Variants in DDX1 observed in about 807,000 individuals in gnomAD.
DDX1 encodes DEAD-box helicase 1.
DDX1 carries 28 observed loss-of-function variants against 108.7 expected under a neutral mutation model. The ratio of observed to expected loss-of-function variants is 0.26; its 90% CI spans 0.19 to 0.35. The LOEUF is 0.35. Among genes scored for constraint, DDX1 ranks in the 10% least tolerant of loss-of-function variants. DDX1 has a pLI of 1.00. For synonymous variants in DDX1, 295 were observed against 288.9 expected (o/e 1.02, Z -0.21); for missense variants, 710 against 884.5 (o/e 0.80, Z 2.50).
intron 19 of DDX1, among the ~76,000 whole-genome samples, chr2:15,626,625 G>A (rs1436356792): frequency 6.6e-6 from 1 of 152,114 alleles, no homozygotes; most frequent in Non-Finnish European, 1.5e-5. Context: ...AAAATACCTT[G>A]AGAAGAGAGC....
chr2:15,618,022 TC>T (rs1359259253), intron 15 of DDX1, among the ~76,000 whole-genome samples, 158 bp from the exon 16 acceptor site: 2 of 152,238 alleles, frequency 1.3e-5, no homozygotes, highest in Admixed American at 1.3e-4. Context: ...ATTATCTTTA[TC>T]CAACAAAATA....
chr2:15,618,484 G>A (rs1665936545), intron 16 of DDX1, among the ~76,000 whole-genome samples: 1 of 152,212 alleles, frequency 6.6e-6, no homozygotes, highest in Admixed American at 6.5e-5. Context: ...GGTGAGCCAG[G>A]CGCGGAGTGG....
rs1665737659 is a variant in DDX1 at position 15,610,773 on chromosome 2, A to C, written c.957-2451A>C. On this transcript the variant is annotated intron_variant, in intron 13 of 25. Transcript: ENST00000233084. ...ATAATTTTTTCCATGTTACAAGCTC[A>C]CGCATTCTCTTTCGTGACTTTACCG... Among the ~76,000 whole-genome samples, 3 of 152,362 alleles carry C rather than the reference A, an allele frequency of 2.0e-5. No homozygotes were observed. The South Asian group carries it at 6.2e-4, about 32-fold the overall frequency.
chr2:15,598,011 G>A (rs1056324613), intron 5 of DDX1, among the ~76,000 whole-genome samples: 2 of 152,030 alleles, frequency 1.3e-5, no homozygotes, highest in African/African-American at 2.4e-5. Flanking sequence ...TGTCTCTACC[G>A]TAATCAATCT....
intron 13 of DDX1, among the ~76,000 whole-genome samples, chr2:15,611,601 C>T (rs1313492633): frequency 8.1e-6 from 1 of 123,366 alleles, no homozygotes; most frequent in Non-Finnish European, 1.6e-5. Context: ...GGCGGCTGGC[C>T]GGGCAGAGGG....
At chr2:15,614,645 G>C (rs1023111163) in intron 14 of DDX1, among the ~76,000 whole-genome samples, 2 of 152,132 alleles carry the variant, frequency 1.3e-5, no homozygotes, top group Non-Finnish European at 2.9e-5. Context: ...TCTCTTTGTT[G>C]CTCCTTTCTG....
intron 6 of DDX1, among the ~76,000 whole-genome samples, chr2:15,600,181 T>C (rs1665568448): frequency 6.6e-6 from 1 of 152,246 alleles, no homozygotes; most frequent in Non-Finnish European, 1.5e-5. Context: ...TATTTATAGG[T>C]GGAGTTGGAC....
At chr2:15,629,911 C>G in intron 24 of DDX1, 79 bp from the exon 25 acceptor site, 1 of 1,389,596 alleles carries the variant, frequency 7.2e-7, no homozygotes, top group South Asian at 1.4e-5. Flanking sequence ...TCTGGCCTTT[C>G]CAGCTTTATT....
At chr2:15,624,365 T>A (rs1405918905) in intron 19 of DDX1, among the ~76,000 whole-genome samples, 1 of 152,190 alleles carries the variant, frequency 6.6e-6, no homozygotes, top group Non-Finnish European at 1.5e-5. Context: ...ACTTCGAGAA[T>A]GTAAACTGTA....
intron 2 of DDX1, 33 bp from the exon 3 acceptor site, chr2:15,595,457 G>T (rs1279845411): frequency 4.5e-6 from 7 of 1,569,228 alleles, no homozygotes; most frequent in Non-Finnish European, 6.1e-6. Flanking sequence ...TTTTTCCCCA[G>T]TAACTAAAAT....
chr2:15,628,687 T>A lies in DDX1; in HGVS notation c.1809T>A (p.Ile603=). The change falls in exon 22 of 26, where the codon ATT becomes ATA. Residue 603 remains isoleucine (I), a synonymous_variant. Coordinates refer to ENST00000233084, the MANE Select transcript of DDX1 (RefSeq NM_004939.3). ...PDEKQNYVHR[I]GRVGRAERMG... ...AAAAGCAAAACTACGTACATCGAAT[T>A]GGCAGAGTAGGAAGAGCTGAAAGGT... The A allele has an allele frequency of 6.2e-7, 1 of 1,613,474 alleles. No homozygotes were observed. The highest frequency in any genetic ancestry group is 2.2e-5 in the East Asian group (1 of 44,846).
intron 1 of DDX1, among the ~76,000 whole-genome samples, chr2:15,592,949 C>A (rs1368502799): frequency 6.6e-6 from 1 of 150,948 alleles, no homozygotes; most frequent in Non-Finnish European, 1.5e-5. Flanking sequence ...GGGATGTAGT[C>A]TCCTTCTGTC....
intron 12 of DDX1, among the ~76,000 whole-genome samples, chr2:15,606,664 T>C (rs1011990800): frequency 6.6e-6 from 1 of 152,220 alleles, no homozygotes. Flanking sequence ...AAATAAGTGG[T>C]AGAACTGAAT....
intron 13 of DDX1, among the ~76,000 whole-genome samples, chr2:15,611,754 C>T (rs866449777): frequency 7.5e-5 from 6 of 79,882 alleles, no homozygotes; most frequent in African/African-American, 1.4e-4. Context: ...CCCCCCACCT[C>T]CCTCCCGGAC....
intron 5 of DDX1, among the ~76,000 whole-genome samples, chr2:15,599,442 G>C (rs963288564): frequency 6.6e-6 from 1 of 151,746 alleles, no homozygotes; most frequent in African/African-American, 2.4e-5. Flanking sequence ...GAGTAGCTGG[G>C]ATTACAGTCA....
chr2:15,604,387 A>T, intron 9 of DDX1, 50 bp from the exon 10 acceptor site: 1 of 1,209,704 alleles, frequency 8.3e-7, no homozygotes, highest in Non-Finnish European at 1.2e-6. Context: ...TTTTAACTTT[A>T]TTTAAGAATT....
chr2:15,597,562 A>T, intron 5 of DDX1, 91 bp downstream of exon 5: 2 of 866,312 alleles, frequency 2.3e-6, no homozygotes, highest in South Asian at 3.4e-5. Flanking sequence ...ATGCATTTTT[A>T]AAATCTTGTC....
At chr2:15,618,021 A>G (rs1293423707) in intron 15 of DDX1, among the ~76,000 whole-genome samples, 160 bp from the exon 16 acceptor site, 1 of 152,214 alleles carries the variant, frequency 6.6e-6, no homozygotes. Context: ...AATTATCTTT[A>G]TCCAACAAAA....
intron 12 of DDX1, among the ~76,000 whole-genome samples, chr2:15,606,487 A>T (rs1665665322): frequency 6.6e-6 from 1 of 152,236 alleles, no homozygotes; most frequent in Non-Finnish European, 1.5e-5. Flanking sequence ...CATAACGGTA[A>T]TGATATCTAA....
Sources: gnomAD v4.1 joint callset for allele counts (sites outside exome capture counted in the v4.1 genomes callset) on GRCh38, gnomAD v4.1.1 for gene constraint, MANE v1.5 for transcripts, NCBI Gene and HGNC (gene_info 2026-07-23, HGNC 2026-07-21) for gene names.